The following KPNA7 variants were observed in gnomAD, a reference collection of about 807,000 sequenced individuals.
The protein encoded by KPNA7 is importin subunit alpha-8.
KPNA7 carries 54 observed loss-of-function variants against 53.7 expected under a neutral mutation model. The observed-to-expected ratio is 1.01, with a 90% CI of 0.81 to 1.26. The LOEUF is 1.26. Among genes scored for constraint, KPNA7 ranks in the 50% most tolerant of loss-of-function variants. KPNA7 has a pLI of 0.00. For synonymous variants in KPNA7, 276 were observed against 259.3 expected (o/e 1.06, Z -0.62); for missense variants, 640 against 644.5 (o/e 0.99, Z 0.07).
rs1260197464 is a variant in KPNA7, at chr7:99,203,175, G to C, written c.132C>G (p.Thr44=). The C allele has an allele frequency of 5.2e-6, 8 of 1,551,562 alleles. No individual in the cohort carries two copies. Among genetic ancestry groups the C allele is most frequent in the Non-Finnish European group, 7.0e-6 (8 of 1,146,916 alleles). ...ELRKAKKDEQ[T]LKRRNITSFC... ...AGCTCGTGATATTCCTTCTCTTTAA[G>C]GTCTGTTCATCTTTCTTGGCCTTTC... The change falls in exon 3 of 11, where the codon ACC becomes ACG. Residue 44 remains threonine, a synonymous_variant. Coordinates refer to ENST00000327442, the MANE Select transcript of KPNA7 (RefSeq NM_001145715.3).
At chr7:99,157,452 AC>A in the KPNA7 span, among the ~76,000 whole-genome samples, 1 of 152,034 alleles carries the variant, frequency 6.6e-6, no homozygotes, top group South Asian at 2.1e-4. Flanking sequence ...CAGGTGATCC[AC>A]CTGCCTTGGC....
chr7:99,194,396 G>C (rs1213811302), intron 5 of KPNA7, among the ~76,000 whole-genome samples: 2 of 152,108 alleles, frequency 1.3e-5, no homozygotes, highest in African/African-American at 2.4e-5. Context: ...AACTTCCACT[G>C]AAGGCAGAGT....
chr7:99,196,737 C>A (rs1034612294), intron 3 of KPNA7, among the ~76,000 whole-genome samples: 5 of 152,078 alleles, frequency 3.3e-5, no homozygotes, highest in Middle Eastern at 3.2e-3. Flanking sequence ...GCCTCCCAAC[C>A]ACCAGAAGAG....
At chr7:99,209,910 G>A (rs1791015703), upstream of KPNA7, among the ~76,000 whole-genome samples, 1 of 151,208 alleles carries the variant, frequency 6.6e-6, no homozygotes. Flanking sequence ...TGAGGCTGAG[G>A]TGGGAGGATT....
chr7:99,189,483 A>G (rs1016166055), intron 6 of KPNA7, among the ~76,000 whole-genome samples: 2 of 152,022 alleles, frequency 1.3e-5, no homozygotes, highest in Non-Finnish European at 2.9e-5. Context: ...CACTCCCACC[A>G]GTAAGGAAAC....
chr7:99,196,110 T>C lies in KPNA7; in HGVS notation c.258A>G (p.Leu86=), dbSNP rs990608081. The change falls in exon 4 of 11, where the codon CTA becomes CTG. Residue 86 remains leucine, a synonymous_variant. Transcript: ENST00000327442. ...IKGVNSSDPV[L]CFQATQTARK... ...TGGCTGTCTGGGTGGCCTGGAAACA[T>C]AGGACTGGATCTGAGCTATTCACAC... is the stretch of plus-strand genomic sequence containing the variant. The C allele has an allele frequency of 3.2e-6, 5 of 1,551,816 alleles. No individual in the cohort carries two copies. Among genetic ancestry groups the C allele is most frequent in the Non-Finnish European group, 2.6e-6 (3 of 1,147,012 alleles).
At chr7:99,190,194 A>T (rs1473704842) in intron 6 of KPNA7, among the ~76,000 whole-genome samples, 1 of 151,898 alleles carries the variant, frequency 6.6e-6, no homozygotes, top group South Asian at 2.1e-4. Context: ...AAAATTAGCC[A>T]GGCGGGGTGG....
Position 99,193,064 on chromosome 7 carries a change from G to T in KPNA7, c.591C>A (p.Ser197Arg). The change falls in exon 6 of 11, where the codon AGC (serine) becomes AGA (arginine). Residue 197 changes from serine (S) to arginine (R), a missense_variant. Physicochemically the swap from Ser to Arg is moderately radical, Grantham distance 110. Transcript: ENST00000327442. The part of the protein sequence containing the change: ...GPEFRDNVIT[S>R]NAIPHLLALI... ...AGGCTAGGAGATGTGGGATGGCATT[G>T]CTTGTGATGACGTTATCTCTGAACT... 3 of 1,511,774 alleles carry T rather than the reference G, an allele frequency of 2.0e-6. No homozygotes were observed. Among genetic ancestry groups the T allele is most frequent in the Non-Finnish European group, 2.7e-6 (3 of 1,131,972 alleles). 93.6% of individuals were successfully genotyped at this position (1,511,774 alleles called of 1,614,324 possible).
chr7:99,187,111 AC>A (rs2150730121), intron 7 of KPNA7, among the ~76,000 whole-genome samples: 1 of 152,040 alleles, frequency 6.6e-6, no homozygotes, highest in South Asian at 2.1e-4. Flanking sequence ...ACCTGGTGAA[AC>A]CCTGTCTCTA....
intron 1 of KPNA7, among the ~76,000 whole-genome samples, chr7:99,214,454 A>AC (rs1791155427): frequency 6.8e-6 from 1 of 148,050 alleles, no homozygotes; most frequent in East Asian, 2.0e-4. Flanking sequence ...AAAAAAAACA[A>AC]AAAACAAAAA....
At chr7:99,212,918 C>A (rs1399090895), upstream of KPNA7, among the ~76,000 whole-genome samples, 5 of 151,828 alleles carry the variant, frequency 3.3e-5, no homozygotes, top group African/African-American at 1.2e-4. Context: ...AAGAAAAAAT[C>A]ATTGCTATTG....
downstream of KPNA7, among the ~76,000 whole-genome samples, chr7:99,170,697 C>T (rs530473051): frequency 6.6e-6 from 1 of 152,086 alleles, no homozygotes; most frequent in Non-Finnish European, 1.5e-5. Flanking sequence ...CTTGGATGTA[C>T]AGAAAATAGG....
the KPNA7 span, among the ~76,000 whole-genome samples, chr7:99,167,179 C>G: frequency 6.6e-5 from 10 of 152,240 alleles, no homozygotes; most frequent in Non-Finnish European, 1.0e-4. Flanking sequence ...AGCCAGCTCC[C>G]ACCTCTGTGC....
At chr7:99,212,390 C>G (rs1039149721), upstream of KPNA7, among the ~76,000 whole-genome samples, 9 of 151,738 alleles carry the variant, frequency 5.9e-5, no homozygotes, top group Non-Finnish European at 1.2e-4. Context: ...ATTACAGGCA[C>G]CTGCCACCAC....
intron 2 of KPNA7, among the ~76,000 whole-genome samples, chr7:99,204,855 C>T (rs1315382151): frequency 6.6e-6 from 1 of 151,984 alleles, no homozygotes; most frequent in Non-Finnish European, 1.5e-5. Flanking sequence ...GACCGTGTAT[C>T]AAATAATAAT....
chr7:99,146,486 G>C, the KPNA7 span, among the ~76,000 whole-genome samples: 1 of 152,040 alleles, frequency 6.6e-6, no homozygotes, highest in Non-Finnish European at 1.5e-5. Flanking sequence ...GGCTGAGGTG[G>C]GGGGATTACC....
chr7:99,171,667 G>A (rs1027360262), downstream of KPNA7, among the ~76,000 whole-genome samples: 7 of 152,150 alleles, frequency 4.6e-5, no homozygotes, highest in East Asian at 3.9e-4. Context: ...AGGCTGAGGC[G>A]GGAGGATTGC....
At chr7:99,185,818 G>A (rs552185939) in intron 7 of KPNA7, among the ~76,000 whole-genome samples, 16 of 152,178 alleles carry the variant, frequency 1.1e-4, no homozygotes, top group African/African-American at 3.9e-4. Flanking sequence ...TTTGAGACAA[G>A]GTCTTGCTGT....
At chr7:99,204,571 T>A (rs1250523021) in intron 2 of KPNA7, among the ~76,000 whole-genome samples, 1 of 152,198 alleles carries the variant, frequency 6.6e-6, no homozygotes, top group African/African-American at 2.4e-5. Flanking sequence ...AGCTACTTAA[T>A]TCTTGCTTGA....
Sources: allele counts gnomAD v4.1 joint callset (sites outside exome capture counted in the v4.1 genomes callset), GRCh38; gene constraint gnomAD v4.1.1; transcripts MANE v1.5; gene names NCBI Gene and HGNC (gene_info 2026-07-23, HGNC 2026-07-21).